PARM1: variants seen among roughly 807,000 people sequenced by gnomAD.
PARM1 encodes WSC4, cell wall integrity and stress response component 4 homolog.
A neutral mutation model predicts 24.6 loss-of-function variants in PARM1; 14 were observed. The observed-to-expected ratio is 0.57, with a 90% CI of 0.38 to 0.89. The LOEUF is 0.89. Ranked by LOEUF, PARM1 falls within the 40% of genes least tolerant of loss-of-function variation. PARM1 has a pLI of 0.00. For synonymous variants in PARM1, 179 were observed against 156.6 expected, an observed-to-expected ratio of 1.14 and a Z score of -1.07; for missense variants, 362 against 380.4, an observed-to-expected ratio of 0.95 and a Z score of 0.40.
At chr4:74,964,253 G>T (rs569297920) in intron 1 of PARM1, among the ~76,000 whole-genome samples, 2 of 152,122 alleles carry the variant, frequency 1.3e-5, no homozygotes, top group Admixed American at 1.3e-4. Context: ...CCTCCTGAGC[G>T]CTTACCAGTG....
At chr4:75,002,244 G>A (rs1722695136) in intron 1 of PARM1, among the ~76,000 whole-genome samples, 1 of 152,166 alleles carries the variant, frequency 6.6e-6, no homozygotes, top group African/African-American at 2.4e-5. Context: ...TCCTCTGAAG[G>A]AAGAGGTTCC....
intron 1 of PARM1, among the ~76,000 whole-genome samples, chr4:74,987,336 G>T (rs1462638425): frequency 1.3e-5 from 2 of 152,032 alleles, no homozygotes; most frequent in Non-Finnish European, 2.9e-5. Context: ...TTCTTTGTTA[G>T]CTGGGGGCAT....
At chr4:75,015,567 C>CT (rs1203498244) in intron 2 of PARM1, among the ~76,000 whole-genome samples, 8 of 152,126 alleles carry the variant, frequency 5.3e-5, no homozygotes, top group African/African-American at 1.9e-4. Flanking sequence ...GAGACCTATC[C>CT]TTTGAGATTT....
chr4:74,933,265 G>A lies in PARM1; in HGVS notation c.-63G>A, dbSNP rs372162327. The A allele has an allele frequency of 7.1e-5, 105 of 1,471,678 alleles. No homozygotes were observed. The African/African-American group carries it at 1.2e-3, about 17-fold the overall frequency. The allele number at this position is 1,471,678 out of a possible 1,614,324, so 91.2% of individuals were successfully genotyped here. A position where few individuals can be genotyped will look rare whatever the true frequency, so the allele number is the denominator to read the frequency against. Reference sequence around the variant, plus strand: ...AGGAGTCGCTACCAGCGCCCAGTGCGCTCTGTCAGTCCGCAAACTCCTTGC... The same window carrying A: ...AGGAGTCGCTACCAGCGCCCAGTGCACTCTGTCAGTCCGCAAACTCCTTGC... On this transcript the variant is annotated 5_prime_UTR_variant, in exon 1 of 4. Coordinates refer to ENST00000307428, the MANE Select transcript of PARM1 (RefSeq NM_015393.4).
In PARM1 at chr4:74,961,959, TTATG is replaced by T. The variant is rs1721784258; in HGVS notation, c.43+28593_43+28596del. Among the ~76,000 whole-genome samples the T allele has an allele frequency of 2.0e-5, 3 of 152,194 alleles. 1 individual carries two copies. In the South Asian group the frequency reaches 6.2e-4, roughly 32 times the overall value. On this transcript the variant is annotated intron_variant, in intron 1 of 3. Transcript: ENST00000307428. ...TTACACTTTGGTTTGTAACTCCACT[TTATG>T]TATTTTATATGATTTAAGAGACTAA...
chr4:75,031,917 C>T (rs1401484216), intron 2 of PARM1, among the ~76,000 whole-genome samples: 3 of 152,166 alleles, frequency 2.0e-5, no homozygotes, highest in Non-Finnish European at 2.9e-5. Flanking sequence ...TACAAGGCTT[C>T]AGTGAACTTT....
chr4:75,004,507 G>T (rs553057017), intron 1 of PARM1, among the ~76,000 whole-genome samples: 1 of 152,292 alleles, frequency 6.6e-6, no homozygotes, highest in Non-Finnish European at 1.5e-5. Flanking sequence ...CAGAGTCAGG[G>T]TAGAAAGAGC....
chr4:75,018,136 G>A (rs1248920948), intron 2 of PARM1, among the ~76,000 whole-genome samples: 2 of 152,184 alleles, frequency 1.3e-5, no homozygotes, highest in Non-Finnish European at 2.9e-5. Flanking sequence ...TTAAATACTA[G>A]GGTTATAGCC....
chr4:74,943,078 C>G (rs1195208892), intron 1 of PARM1, among the ~76,000 whole-genome samples: 1 of 152,196 alleles, frequency 6.6e-6, no homozygotes, highest in Admixed American at 6.5e-5. Flanking sequence ...CCCTCACTTC[C>G]TTAAAACTTT....
intron 1 of PARM1, among the ~76,000 whole-genome samples, chr4:75,008,083 C>T: frequency 6.6e-6 from 1 of 152,224 alleles, no homozygotes; most frequent in Non-Finnish European, 1.5e-5. Flanking sequence ...GGTGCCTTAG[C>T]CCTGGCTATC....
intron 1 of PARM1, among the ~76,000 whole-genome samples, chr4:74,984,382 A>C (rs1478646167): frequency 6.6e-6 from 1 of 152,230 alleles, no homozygotes; most frequent in African/African-American, 2.4e-5. Flanking sequence ...AGTGCTCTGG[A>C]ATAAACAGAT....
At chr4:74,948,343 C>A (rs1379802725) in intron 1 of PARM1, among the ~76,000 whole-genome samples, 1 of 152,178 alleles carries the variant, frequency 6.6e-6, no homozygotes, top group Non-Finnish European at 1.5e-5. Context: ...AAACGTTAGT[C>A]CCCTGACTTC....
intron 2 of PARM1, among the ~76,000 whole-genome samples, chr4:75,025,341 T>G (rs1723163600): frequency 6.6e-6 from 1 of 152,204 alleles, no homozygotes; most frequent in African/African-American, 2.4e-5. Context: ...GTTAATCGGT[T>G]GTTCTAAGGT....
At chr4:74,987,814 T>G (rs1722385534) in intron 1 of PARM1, among the ~76,000 whole-genome samples, 1 of 152,352 alleles carries the variant, frequency 6.6e-6, no homozygotes, top group South Asian at 2.1e-4. Flanking sequence ...TGGCACCTAC[T>G]TCCTCTGGGG....
At chr4:74,963,347 C>T (rs1378510812) in intron 1 of PARM1, among the ~76,000 whole-genome samples, 1 of 152,150 alleles carries the variant, frequency 6.6e-6, no homozygotes, top group African/African-American at 2.4e-5. Context: ...CAAACAGATA[C>T]TTTTAGGTAA....
chr4:75,041,911 A>G (rs1286315025), intron 3 of PARM1, among the ~76,000 whole-genome samples: 1 of 152,218 alleles, frequency 6.6e-6, no homozygotes, highest in African/African-American at 2.4e-5. Context: ...CAATAAGCAC[A>G]GTGCCATTGA....
intron 1 of PARM1, among the ~76,000 whole-genome samples, chr4:74,957,626 C>G (rs960804697): frequency 6.6e-6 from 1 of 152,096 alleles, no homozygotes; most frequent in African/African-American, 2.4e-5. Flanking sequence ...TATAGAGGTG[C>G]CTATATGACA....
At chr4:75,006,383 A>G (rs1722769145) in intron 1 of PARM1, among the ~76,000 whole-genome samples, 1 of 150,272 alleles carries the variant, frequency 6.7e-6, no homozygotes, top group Non-Finnish European at 1.5e-5. Flanking sequence ...ATGAGTGAGA[A>G]CATGTGGAGT....
At chr4:75,034,213 G>T (rs983628584) in intron 3 of PARM1, among the ~76,000 whole-genome samples, 1 of 152,128 alleles carries the variant, frequency 6.6e-6, no homozygotes, top group Non-Finnish European at 1.5e-5. Flanking sequence ...AAGAATTAAC[G>T]TGGAGTCGGG....
Sources: allele counts gnomAD v4.1 joint callset (sites outside exome capture counted in the v4.1 genomes callset), GRCh38; gene constraint gnomAD v4.1.1; transcripts MANE v1.5; gene names NCBI Gene and HGNC (gene_info 2026-07-23, HGNC 2026-07-21).